The following ADIPOQ variants were observed in gnomAD, a reference collection of about 807,000 sequenced individuals.
ADIPOQ encodes the protein adiponectin.
In ADIPOQ, 19 loss-of-function variants were observed where a neutral mutation model predicts 16.1. The ratio of observed to expected loss-of-function variants is 1.18; its 90% CI spans 0.82 to 1.73. The LOEUF is 1.73. Ranked by LOEUF, ADIPOQ falls within the 40% of genes most tolerant of loss-of-function variation. ADIPOQ has a pLI of 0.00. For synonymous variants in ADIPOQ, 124 were observed against 125.5 expected (o/e 0.99, Z 0.08); for missense variants, 323 against 308.3 (o/e 1.05, Z -0.36).
chr3:186,845,093 T>C, intron 1 of ADIPOQ, among the ~76,000 whole-genome samples: 1 of 150,944 alleles, frequency 6.6e-6, no homozygotes, highest in Non-Finnish European at 1.5e-5. Flanking sequence ...CTCATTTGGA[T>C]GGGTGTGTAT....
rs1712082528 is a variant in ADIPOQ, at chr3:186,858,198, C to T, written c.*3494C>T. Reference sequence around the variant, plus strand: ...CATTCGTCAGGTTGGTTTCAAACTCCTGACTTTGTGATCCACCCGCCTCGG... The same window carrying T: ...CATTCGTCAGGTTGGTTTCAAACTCTTGACTTTGTGATCCACCCGCCTCGG... On this transcript the variant is annotated 3_prime_UTR_variant, in exon 3 of 3. Coordinates refer to ENST00000320741, the MANE Select transcript of ADIPOQ (RefSeq NM_004797.4). The T allele has an allele frequency of 6.6e-6, 1 of 152,134 alleles. No individual in the cohort carries two copies. Among genetic ancestry groups the T allele is most frequent in the African/African-American group, 2.4e-5 (1 of 41,432 alleles). The allele number at this position is 152,134 out of a possible 1,614,324, so 9.4% of individuals were successfully genotyped here.
chr3:186,847,785 G>T (rs1036876147), intron 1 of ADIPOQ, among the ~76,000 whole-genome samples: 1 of 152,198 alleles, frequency 6.6e-6, no homozygotes, highest in Non-Finnish European at 1.5e-5. Flanking sequence ...GATTTAGCTT[G>T]TTGATCCTTG....
At chr3:186,850,807 G>A (rs2108490054) in intron 1 of ADIPOQ, among the ~76,000 whole-genome samples, 1 of 152,050 alleles carries the variant, frequency 6.6e-6, no homozygotes, top group East Asian at 1.9e-4. Context: ...ATTCCACTAT[G>A]TTTAAAAATA....
chr3:186,853,070 G>A lies in ADIPOQ; in HGVS notation c.12G>A (p.Leu4=), dbSNP rs1711839745. MLL[L]GAVLLLLALP... is the part of the protein sequence containing the mutation. ...TTCCAGGGCTCAGGATGCTGTTGCT[G>A]GGAGCTGTTCTACTGCTATTAGCTC... The change falls in exon 2 of 3, where the codon CTG becomes CTA. Residue 4 remains leucine (L), a synonymous_variant. Coordinates refer to ENST00000320741, the MANE Select transcript of ADIPOQ (RefSeq NM_004797.4). The A allele has an allele frequency of 1.3e-5, 21 of 1,614,200 alleles. No individual in the cohort carries two copies. The highest frequency in any genetic ancestry group is 1.8e-5 in the Non-Finnish European group (21 of 1,180,024).
intron 1 of ADIPOQ, 42 bp downstream of exon 1, chr3:186,842,791 C>CA (rs910892257): frequency 2.6e-5 from 4 of 152,552 alleles, no homozygotes; most frequent in African/African-American, 9.6e-5. Flanking sequence ...GTGGGGGATG[C>CA]ATGCATAGCC....
intron 1 of ADIPOQ, among the ~76,000 whole-genome samples, chr3:186,846,464 C>T (rs822392): frequency 4.7e-4 from 71 of 152,218 alleles, no homozygotes; most frequent in African/African-American, 1.7e-3. Context: ...GAACTCCTGA[C>T]TTCATGTGAC....
intron 1 of ADIPOQ, among the ~76,000 whole-genome samples, chr3:186,850,558 C>T (rs1711718041): frequency 6.6e-6 from 1 of 152,056 alleles, no homozygotes; most frequent in African/African-American, 2.4e-5. Flanking sequence ...GGGAAAGCTA[C>T]ATGCCTAAGG....
intron 1 of ADIPOQ, among the ~76,000 whole-genome samples, chr3:186,845,307 C>A (rs1021743655): frequency 6.6e-6 from 1 of 152,080 alleles, no homozygotes; most frequent in Non-Finnish European, 1.5e-5. Context: ...CCTGGTTATG[C>A]CATTTATTAT....
chr3:186,852,978 C>A, intron 1 of ADIPOQ, 73 bp from the exon 2 acceptor site: 1 of 1,527,604 alleles, frequency 6.5e-7, no homozygotes, highest in Non-Finnish European at 9.0e-7. Flanking sequence ...GGACGGAGTC[C>A]TTTGTAGGTC....
rs759747559 is a variant in ADIPOQ, at chr3:186,854,629, G to A, written c.660G>A (p.Glu220=). 3 of 1,614,188 alleles carry A rather than the reference G, an allele frequency of 1.9e-6. No homozygotes were observed. The highest frequency in any genetic ancestry group is 1.1e-5 in the South Asian group (1 of 91,078). ...GGCTCCAGGTGTATGGGGAAGGAGA[G>A]CGTAATGGACTCTATGCTGATAATG... The part of the protein sequence containing the change: ...QVWLQVYGEG[E]RNGLYADNDN... Residue 220 remains glutamate (E), a synonymous_variant, in exon 3 of 3, where the codon GAG becomes GAA. Coordinates refer to ENST00000320741, the MANE Select transcript of ADIPOQ (RefSeq NM_004797.4).
At chr3:186,849,326 A>G (rs1181254894) in intron 1 of ADIPOQ, among the ~76,000 whole-genome samples, 2 of 152,220 alleles carry the variant, frequency 1.3e-5, no homozygotes, top group Non-Finnish European at 2.9e-5. Flanking sequence ...ATAATAAGAA[A>G]GGGTGGAGGT....
rs78129385 is a variant in ADIPOQ, at chr3:186,854,335, C to A, written c.366C>A (p.Tyr122Ter). 4 of 1,614,198 alleles carry A rather than the reference C, an allele frequency of 2.5e-6. No individual in the cohort carries two copies. The highest frequency in any genetic ancestry group is 3.4e-6 in the Non-Finnish European group (4 of 1,180,030). Residue 122 changes from tyrosine (Y) to a stop codon, truncating the protein, a stop_gained, in exon 3 of 3, where the codon TAC becomes TAA. Transcript: ENST00000320741. LOFTEE classifies it high-confidence loss of function. ...RSAFSVGLET[Y>*]VTIPNMPIRF... is the part of the protein sequence containing the mutation. ...CATTCAGTGTGGGATTGGAGACTTA[C>A]GTTACTATCCCCAACATGCCCATTC...
Position 186,854,693 on chromosome 3 carries a change from G to T in ADIPOQ, c.724G>T (p.Asp242Tyr). 6.2e-7 allele frequency: 1 copy of T among 1,614,054 alleles called. No individual in the cohort carries two copies. Among genetic ancestry groups the T allele is most frequent in the South Asian group, 1.1e-5 (1 of 91,058 alleles). ...STFTGFLLYH[D>Y]TN ...CTTCACAGGCTTTCTTCTCTACCAT[G>T]ACACCAACTGATCACCACTAACTCA... is the stretch of plus-strand genomic sequence containing the variant. The change falls in exon 3 of 3, where the codon GAC (aspartate) becomes TAC (tyrosine). Residue 242 changes from aspartate (D) to tyrosine (Y), a missense_variant. Coordinates refer to ENST00000320741, the MANE Select transcript of ADIPOQ (RefSeq NM_004797.4).
In ADIPOQ at chr3:186,854,631, G is replaced by A. The variant is rs760817936; in HGVS notation, c.662G>A (p.Arg221His). The A allele has an allele frequency of 2.0e-5, 32 of 1,614,026 alleles. No individual in the cohort carries two copies. The East Asian group carries it at 2.2e-4, about 11-fold the overall frequency. ...CTCCAGGTGTATGGGGAAGGAGAGC[G>A]TAATGGACTCTATGCTGATAATGAC... is the stretch of plus-strand genomic sequence containing the variant. ...VWLQVYGEGE[R>H]NGLYADNDND... The change falls in exon 3 of 3, where the codon CGT becomes CAT. Residue 221 changes from arginine to histidine, a missense_variant. By Grantham distance (29) the Arg-to-His change is conservative (BLOSUM62 0). Transcript: ENST00000320741.
chr3:186,844,058 G>C (rs1256600965), intron 1 of ADIPOQ, among the ~76,000 whole-genome samples: 1 of 152,204 alleles, frequency 6.6e-6, no homozygotes, highest in East Asian at 1.9e-4. Flanking sequence ...TTGGGGAGAT[G>C]GGGGTCCCTT....
intron 1 of ADIPOQ, among the ~76,000 whole-genome samples, chr3:186,844,602 G>T (rs1711530200): frequency 6.6e-6 from 1 of 151,662 alleles, no homozygotes; most frequent in Non-Finnish European, 1.5e-5. Context: ...GGAGTGCAGT[G>T]GTGCAATCAC....
chr3:186,847,898 G>A lies in ADIPOQ; in HGVS notation c.-9+5149G>A, dbSNP rs796425659. ...AGAAATACAGTGTAACAGGCCGGGC[G>A]CAGTGGCTCATGCCTGTAATCCCAG... On this transcript the variant is annotated intron_variant, in intron 1 of 2. Transcript: ENST00000320741. 7.2e-5 allele frequency among the ~76,000 whole-genome samples: 11 copies of A among 152,216 alleles called. 1 individual carries two copies. Among genetic ancestry groups the A allele is most frequent in the African/African-American group, 2.6e-4 (11 of 41,550 alleles).
intron 1 of ADIPOQ, among the ~76,000 whole-genome samples, chr3:186,847,563 A>G (rs1427370829): frequency 2.6e-5 from 4 of 152,100 alleles, no homozygotes; most frequent in African/African-American, 7.2e-5. Flanking sequence ...TGATCATACT[A>G]CCTCATTTTT....
At chr3:186,854,133 C>G in intron 2 of ADIPOQ, 51 bp from the exon 3 acceptor site, 2 of 1,588,148 alleles carry the variant, frequency 1.3e-6, no homozygotes, top group Non-Finnish European at 1.7e-6. Context: ...TGTAACCAAC[C>G]TAGGCAGGAG....
Sources: allele counts gnomAD v4.1 joint callset (sites outside exome capture counted in the v4.1 genomes callset), GRCh38; gene constraint gnomAD v4.1.1; transcripts MANE v1.5; gene names NCBI Gene and HGNC (gene_info 2026-07-23, HGNC 2026-07-21).